The following KDSR variants were observed in gnomAD, a reference collection of about 807,000 sequenced individuals.
KDSR encodes the protein 3-dehydrosphinganine reductase.
In KDSR, 23 loss-of-function variants were observed where a neutral mutation model predicts 41.3. The observed-to-expected ratio is 0.56, with a 90% CI of 0.40 to 0.79. KDSR has a LOEUF of 0.79. KDSR is among the 30% of genes least tolerant of loss of function. KDSR has a pLI of 0.00. For synonymous variants in KDSR, 138 were observed against 151.7 expected (o/e 0.91, Z 0.66); for missense variants, 351 against 416.8 (o/e 0.84, Z 1.37).
rs1914003182 is a variant in KDSR, at chr18:63,331,612, G to A, written c.*170C>T. On this transcript the variant is annotated 3_prime_UTR_variant, in exon 10 of 10. Coordinates refer to ENST00000645214, the MANE Select transcript of KDSR (RefSeq NM_002035.4). ...TTGCATAGTATTAATAATACTGTCAGGAGGTGAACTTCTAGCCCCTTGCTT... is the reference window on the plus strand; with the variant it reads ...TTGCATAGTATTAATAATACTGTCAAGAGGTGAACTTCTAGCCCCTTGCTT... The A allele has an allele frequency of 1.7e-6, 1 of 578,894 alleles. No homozygotes were observed. Among genetic ancestry groups the A allele is most frequent in the Non-Finnish European group, 3.0e-6 (1 of 329,390 alleles). 35.9% of individuals were successfully genotyped at this position (578,894 alleles called of 1,614,324 possible).
intron 7 of KDSR, among the ~76,000 whole-genome samples, chr18:63,341,483 A>AAG (rs1368646369): frequency 3.9e-5 from 6 of 152,036 alleles, no homozygotes; most frequent in Non-Finnish European, 8.8e-5. Flanking sequence ...TAAAAAAAAA[A>AAG]AGAGAGAGAA....
chr18:63,347,495 CAAAAAAAAAAAAAA>C (rs36023779), intron 6 of KDSR, among the ~76,000 whole-genome samples: 5 of 56,984 alleles, frequency 8.8e-5, no homozygotes, highest in Non-Finnish European at 1.5e-4. Flanking sequence ...GACTCCATCT[CAAAAAAAAAAAAAA>C]AAAAAAAAAA....
At chr18:63,357,952 C>A (rs550295066) in intron 3 of KDSR, among the ~76,000 whole-genome samples, 1 of 151,968 alleles carries the variant, frequency 6.6e-6, no homozygotes, top group Non-Finnish European at 1.5e-5. Flanking sequence ...CTGAGGCGGG[C>A]GGATCACGAG....
At chr18:63,358,882 T>A (rs1272920988) in intron 3 of KDSR, among the ~76,000 whole-genome samples, 2 of 137,370 alleles carry the variant, frequency 1.5e-5, no homozygotes, top group Admixed American at 7.3e-5. Context: ...TATGGTAAAA[T>A]TAAAAAGAAA....
At chr18:63,342,757 C>G (rs117005918) in intron 7 of KDSR, among the ~76,000 whole-genome samples, 1 of 152,032 alleles carries the variant, frequency 6.6e-6, no homozygotes, top group Non-Finnish European at 1.5e-5. Context: ...AGTGCAGTGG[C>G]GCAATCTTGG....
intron 3 of KDSR, among the ~76,000 whole-genome samples, chr18:63,359,337 T>A (rs574189361): frequency 6.6e-6 from 1 of 152,286 alleles, no homozygotes; most frequent in East Asian, 1.9e-4. Flanking sequence ...CTTCTTAGGC[T>A]GGGTGATGGG....
intron 6 of KDSR, among the ~76,000 whole-genome samples, chr18:63,348,315 A>G (rs543622812): frequency 6.9e-4 from 71 of 102,956 alleles, no homozygotes; most frequent in African/African-American, 1.9e-3. Flanking sequence ...TCTTCAGAAA[A>G]TAAAAATTAA....
chr18:63,342,040 G>A (rs144875473), intron 7 of KDSR, among the ~76,000 whole-genome samples: 3,522 of 151,598 alleles, frequency 0.023, 141 homozygotes, highest in African/African-American at 0.081. Context: ...TTGGTGGCAC[G>A]CACCTGTAAT....
chr18:63,361,048 T>A (rs1365019203), intron 2 of KDSR, among the ~76,000 whole-genome samples: 7 of 134,342 alleles, frequency 5.2e-5, no homozygotes, highest in South Asian at 2.2e-4. Context: ...AAAATATATA[T>A]TTTATATATA....
At chr18:63,359,060 TC>T (rs1027337599) in intron 3 of KDSR, among the ~76,000 whole-genome samples, 1 of 148,870 alleles carries the variant, frequency 6.7e-6, no homozygotes. Flanking sequence ...GTGTCTATAA[TC>T]TCAGCTACTA....
At position 63,344,833 on chromosome 18, in the gene KDSR, G is replaced by A. The variant is rs531156896; in HGVS notation, c.610-340C>T. ...TTTAAAAAGAGTCCAGTTCCCACAC[G>A]CACTGCACAGCATCCAAGCCCTTTA... On this transcript the variant is annotated intron_variant, in intron 6 of 9. Transcript: ENST00000645214. The A allele has an allele frequency of 5.6e-4, 115 of 205,266 alleles. 1 individual carries two copies. Among genetic ancestry groups the A allele is most frequent in the African/African-American group, 2.5e-3 (110 of 43,720 alleles). The allele number at this position is 205,266 out of a possible 1,614,324, so 12.7% of individuals were successfully genotyped here.
chr18:63,335,881 T>TA (rs1694391771), intron 8 of KDSR: 2 of 152,680 alleles, frequency 1.3e-5, no homozygotes, highest in Admixed American at 1.3e-4. Flanking sequence ...CATGTCTTCT[T>TA]AATACTCTGT....
At chr18:63,359,906 A>G (rs912598076) in intron 2 of KDSR, 114 bp from the exon 3 acceptor site, 2 of 736,400 alleles carry the variant, frequency 2.7e-6, no homozygotes, top group Non-Finnish European at 4.9e-6. Flanking sequence ...ATTCCAGAAA[A>G]CACACAAAAC....
At chr18:63,364,893 C>A (rs1391846138) in intron 1 of KDSR, among the ~76,000 whole-genome samples, 1 of 152,216 alleles carries the variant, frequency 6.6e-6, no homozygotes. Context: ...AAAACTTCAA[C>A]GTTTCCCTAT....
chr18:63,355,126 G>A lies in KDSR; in HGVS notation c.417+78C>T, dbSNP rs1010711173. Reference sequence around the variant, plus strand: ...GACATCTGAATGCATTCATCTAATTGATTCTTAAAGCTTTTACCCGTAGCT... The same window carrying A: ...GACATCTGAATGCATTCATCTAATTAATTCTTAAAGCTTTTACCCGTAGCT... On this transcript the variant is annotated intron_variant, in intron 5 of 9. Transcript: ENST00000645214. 5 of 943,262 alleles carry A rather than the reference G, an allele frequency of 5.3e-6. No individual in the cohort carries two copies. In the African/African-American group the frequency reaches 6.5e-5, roughly 12 times the overall value. The allele number at this position is 943,262 out of a possible 1,614,324, so 58.4% of individuals were successfully genotyped here.
Position 63,367,146 on chromosome 18 carries a change from GGCCGGGCGGGGGCC to G in KDSR, c.-42_-29del, listed in dbSNP as rs1451164164. 7 of 1,221,468 alleles carry G rather than the reference GGCCGGGCGGGGGCC, an allele frequency of 5.7e-6. No individual in the cohort carries two copies. Among genetic ancestry groups the G allele is most frequent in the Non-Finnish European group, 6.3e-6 (6 of 958,640 alleles). The allele number at this position is 1,221,468 out of a possible 1,614,324, so 75.7% of individuals were successfully genotyped here. ...CTCCGCGGGGCCAGGGGCCCGGAGC[GGCCGGGCGGGGGCC>G]GCCGGGCAAGGCGCGCAGGGCTGGG... is the stretch of plus-strand genomic sequence containing the variant. On this transcript the variant is annotated 5_prime_UTR_variant, in exon 1 of 10. Coordinates refer to ENST00000645214, the MANE Select transcript of KDSR (RefSeq NM_002035.4).
chr18:63,355,058 C>T (rs1421436541), intron 5 of KDSR, 146 bp downstream of exon 5: 1 of 591,936 alleles, frequency 1.7e-6, no homozygotes, highest in Non-Finnish European at 2.9e-6. Context: ...TGTTCAGCTT[C>T]ACCTTGTTCA....
At chr18:63,350,577 T>A (rs948698544) in intron 6 of KDSR, among the ~76,000 whole-genome samples, 1 of 152,166 alleles carries the variant, frequency 6.6e-6, no homozygotes, top group African/African-American at 2.4e-5. Context: ...AAATAAAATA[T>A]CTGGTTAACC....
intron 7 of KDSR, among the ~76,000 whole-genome samples, chr18:63,342,547 A>T (rs1460820876): frequency 1.3e-5 from 2 of 152,244 alleles, no homozygotes; most frequent in African/African-American, 4.8e-5. Context: ...TGAATTAGTT[A>T]TAGATAATTA....
Sources: gnomAD v4.1 joint callset for allele counts (sites outside exome capture counted in the v4.1 genomes callset) on GRCh38, gnomAD v4.1.1 for gene constraint, MANE v1.5 for transcripts, NCBI Gene and HGNC (gene_info 2026-07-23, HGNC 2026-07-21) for gene names.